XKR6: variants seen among roughly 807,000 people sequenced by gnomAD.
XKR6 encodes the protein XK related 6.
In XKR6, 22 loss-of-function variants were observed where a neutral mutation model predicts 56.7. That is an observed-to-expected ratio of 0.39 (90% confidence interval 0.28 to 0.55). The LOEUF is 0.55. Among genes scored for constraint, XKR6 ranks in the 20% least tolerant of loss-of-function variants. The pLI is 0.66. For missense variants in XKR6, 852 were observed against 889.0 expected (o/e 0.96, Z 0.53); for synonymous variants, 524 against 387.8 (o/e 1.35, Z -4.13).
Position 10,922,401 on chromosome 8 carries a change from G to A in XKR6, c.961+2233C>T, listed in dbSNP as rs144316377. Among the ~76,000 whole-genome samples, 176 of 152,358 alleles carry A rather than the reference G, an allele frequency of 1.2e-3. 1 individual carries two copies. The highest frequency in any genetic ancestry group is 3.1e-3 in the Admixed American group (47 of 15,306). On this transcript the variant is annotated intron_variant, in intron 2 of 2. Transcript: ENST00000416569. Reference sequence around the variant, plus strand: ...TCACCAGGGAACCGGACATTGCCCTGCCAGTCGGCAGCACATCCTGGCACC... The same window carrying A: ...TCACCAGGGAACCGGACATTGCCCTACCAGTCGGCAGCACATCCTGGCACC...
intron 2 of XKR6, among the ~76,000 whole-genome samples, chr8:10,903,735 A>G (rs1800106336): frequency 6.6e-6 from 1 of 152,142 alleles, no homozygotes; most frequent in African/African-American, 2.4e-5. Flanking sequence ...TCTACAATCC[A>G]AGGAGGGAGG....
At chr8:11,108,034 G>T in intron 1 of XKR6, 2 of 323,224 alleles carry the variant, frequency 6.2e-6, no homozygotes, top group Non-Finnish European at 1.2e-5. Context: ...GCCTCTCAGC[G>T]AGGCTGTATT....
At chr8:11,053,800 T>C (rs1306993424) in intron 1 of XKR6, among the ~76,000 whole-genome samples, 1 of 152,104 alleles carries the variant, frequency 6.6e-6, no homozygotes, top group Non-Finnish European at 1.5e-5. Context: ...CCATTCCTTC[T>C]CTCCAGCAAA....
intron 1 of XKR6, among the ~76,000 whole-genome samples, chr8:11,041,333 G>A (rs773081228): frequency 5.3e-5 from 8 of 152,098 alleles, no homozygotes; most frequent in African/African-American, 1.4e-4. Flanking sequence ...CAAGGCAGAC[G>A]GATCACAAGG....
rs558920740 is a variant in XKR6, at chr8:11,090,514, C to T, written c.764+110062G>A. 1.1e-4 allele frequency among the ~76,000 whole-genome samples: 16 copies of T among 152,208 alleles called. No homozygotes were observed. In the South Asian group the frequency reaches 1.7e-3, roughly 16 times the overall value. On this transcript the variant is annotated intron_variant, in intron 1 of 2. Coordinates refer to ENST00000416569, the MANE Select transcript of XKR6 (RefSeq NM_173683.4). ...GGTAGGTGTCTCAAAGAGAGTAAACCAGTTTACATATTCAGCAGCAGTATG... is the reference window on the plus strand; with the variant it reads ...GGTAGGTGTCTCAAAGAGAGTAAACTAGTTTACATATTCAGCAGCAGTATG...
At chr8:11,157,354 T>C (rs1428384830) in intron 1 of XKR6, among the ~76,000 whole-genome samples, 2 of 152,150 alleles carry the variant, frequency 1.3e-5, no homozygotes, top group African/African-American at 4.8e-5. Flanking sequence ...GGTTTCCTAG[T>C]TTGGACAAAT....
intron 1 of XKR6, among the ~76,000 whole-genome samples, chr8:10,963,490 T>G (rs1802125905): frequency 6.6e-6 from 1 of 152,112 alleles, no homozygotes; most frequent in Non-Finnish European, 1.5e-5. Context: ...CAGGAATTTT[T>G]GCTCAGAGTG....
At chr8:10,949,909 G>C (rs565538045) in intron 1 of XKR6, among the ~76,000 whole-genome samples, 1 of 152,104 alleles carries the variant, frequency 6.6e-6, no homozygotes, top group Non-Finnish European at 1.5e-5. Context: ...AGCCCGGCCT[G>C]TCTTGACTCA....
chr8:11,169,026 A>G (rs775336137), intron 1 of XKR6, among the ~76,000 whole-genome samples: 3 of 152,144 alleles, frequency 2.0e-5, no homozygotes, highest in African/African-American at 7.2e-5. Flanking sequence ...GTCCCAGGAC[A>G]AGGTCCCAGG....
At chr8:10,911,353 G>GTATA (rs1227899362) in intron 2 of XKR6, among the ~76,000 whole-genome samples, 24 of 144,016 alleles carry the variant, frequency 1.7e-4, no homozygotes, top group African/African-American at 5.7e-4. Context: ...GTGTGTGTGT[G>GTATA]TGTATATATA....
intron 1 of XKR6, among the ~76,000 whole-genome samples, chr8:11,163,202 G>C (rs887655470): frequency 6.6e-6 from 1 of 152,190 alleles, no homozygotes; most frequent in Non-Finnish European, 1.5e-5. Context: ...ACCATGCTCT[G>C]TGAGGGCCAG....
chr8:10,978,157 T>C (rs1162276741), intron 1 of XKR6, among the ~76,000 whole-genome samples: 1 of 152,088 alleles, frequency 6.6e-6, no homozygotes, highest in African/African-American at 2.4e-5. Flanking sequence ...CCACCCCCAT[T>C]ACCATCACCA....
At chr8:11,101,124 A>C (rs1201728674) in intron 1 of XKR6, among the ~76,000 whole-genome samples, 1 of 152,238 alleles carries the variant, frequency 6.6e-6, no homozygotes, top group Non-Finnish European at 1.5e-5. Context: ...GAATTCTAGT[A>C]CTGTGCACCT....
intron 1 of XKR6, among the ~76,000 whole-genome samples, chr8:11,161,861 G>C (rs1018385867): frequency 6.6e-6 from 1 of 152,048 alleles, no homozygotes; most frequent in Non-Finnish European, 1.5e-5. Context: ...TGAAAAAGAC[G>C]GAAATGAAAG....
At chr8:10,913,114 G>C (rs1215392975) in intron 2 of XKR6, among the ~76,000 whole-genome samples, 1 of 151,476 alleles carries the variant, frequency 6.6e-6, no homozygotes, top group Non-Finnish European at 1.5e-5. Context: ...TATATATATA[G>C]AGGGTGTGTA....
intron 1 of XKR6, chr8:11,105,583 G>C (rs528387194): frequency 1.3e-5 from 2 of 152,330 alleles, no homozygotes; most frequent in South Asian, 4.1e-4. Flanking sequence ...AAAAGTTGCA[G>C]AACACTGATT....
intron 1 of XKR6, among the ~76,000 whole-genome samples, chr8:11,160,911 C>CAAAAAAAAAAAAAAAAAAA (rs33931830): frequency 1.6e-5 from 1 of 63,784 alleles, no homozygotes; most frequent in African/African-American, 6.5e-5. Context: ...GACTCCGTCT[C>CAAAAAAAAAAAAAAAAAAA]AAAAAAAAAA....
chr8:10,986,578 A>C (rs900229686), intron 1 of XKR6, among the ~76,000 whole-genome samples: 2 of 152,220 alleles, frequency 1.3e-5, no homozygotes, highest in Non-Finnish European at 2.9e-5. Context: ...GTTTTTGAGC[A>C]AGAAAAAAGT....
chr8:10,958,139 T>A (rs1801953548), intron 1 of XKR6, among the ~76,000 whole-genome samples: 2 of 152,200 alleles, frequency 1.3e-5, no homozygotes, highest in South Asian at 4.1e-4. Flanking sequence ...TTCTCATTGC[T>A]GTTTACCTAA....
Sources: allele counts gnomAD v4.1 joint callset (sites outside exome capture counted in the v4.1 genomes callset), GRCh38; gene constraint gnomAD v4.1.1; transcripts MANE v1.5; gene names NCBI Gene and HGNC (gene_info 2026-07-23, HGNC 2026-07-21).